Variants in RPL28 observed in about 807,000 individuals in gnomAD.
The protein encoded by RPL28 is ribosomal protein L28.
In RPL28, 4 loss-of-function variants were observed where a neutral mutation model predicts 12.5. The observed-to-expected ratio is 0.32, with a 90% confidence interval of 0.16 to 0.73. RPL28 has a LOEUF of 0.73. RPL28 is among the 30% of genes least tolerant of loss of function. The pLI is 0.66. For synonymous variants in RPL28, 91 were observed against 72.5 expected (o/e 1.26, Z -1.30); for missense variants, 214 against 197.7 (o/e 1.08, Z -0.49).
Position 55,388,503 on chromosome 19 carries a change from C to T in RPL28, c.*171C>T. On this transcript the variant is annotated 3_prime_UTR_variant, in exon 5 of 5. Transcript: ENST00000344063. ...TCTGGAGGTGATGTCAATGGCTGGC[C>T]ATGCAGGAGGGGTGGGGTAGCTGCC... 7.6e-7 allele frequency: 1 copy of T among 1,310,590 alleles called. No homozygotes were observed. Among genetic ancestry groups the T allele is most frequent in the Non-Finnish European group, 9.7e-7 (1 of 1,025,772 alleles). 81.2% of individuals were successfully genotyped at this position (1,310,590 alleles called of 1,614,324 possible).
exon 5 of RPL28, chr19:55,402,980 G>C: frequency 1.3e-6 from 2 of 1,534,930 alleles, no homozygotes; most frequent in Non-Finnish European, 1.7e-6. Flanking sequence ...GCTGTAAGCA[G>C]CCTGGAGCAC....
chr19:55,395,599 A>G (rs572426557), downstream of RPL28, among the ~76,000 whole-genome samples: 1 of 151,482 alleles, frequency 6.6e-6, no homozygotes, highest in South Asian at 2.1e-4. Flanking sequence ...GCCCACCACC[A>G]CACCCGGCTA....
downstream of RPL28, among the ~76,000 whole-genome samples, chr19:55,395,715 T>A (rs543673603): frequency 2.6e-5 from 4 of 152,080 alleles, no homozygotes; most frequent in Non-Finnish European, 5.9e-5. Flanking sequence ...AGTGCTGGGA[T>A]TACAGGCATG....
At chr19:55,401,775 G>A (rs1424198676) in intron 4 of RPL28, 3 of 1,612,796 alleles carry the variant, frequency 1.9e-6, no homozygotes, top group East Asian at 2.2e-5. Flanking sequence ...GTGGGAAGAG[G>A]CTCAGGGTCA....
intron 1 of RPL28, 172 bp downstream of exon 1, chr19:55,386,137 G>A: frequency 1.8e-6 from 1 of 568,880 alleles, no homozygotes. Flanking sequence ...CTCATTCGCC[G>A]CAGCTAGTCT....
intron 4 of RPL28, 55 bp from the exon 5 acceptor site, chr19:55,388,188 G>A (rs777273918): frequency 6.6e-7 from 1 of 1,517,016 alleles, no homozygotes; most frequent in South Asian, 1.3e-5. Flanking sequence ...CATTGGCCTA[G>A]GGGGCGGCTT....
At chr19:55,386,014 A>C in intron 1 of RPL28, 49 bp downstream of exon 1, 1 of 275,508 alleles carries the variant, frequency 3.6e-6, no homozygotes, top group South Asian at 4.3e-5. Flanking sequence ...CCCGCCGCGC[A>C]CTCCCTCTCA....
chr19:55,399,258 C>T (rs1714187778), intron 4 of RPL28, among the ~76,000 whole-genome samples: 2 of 152,104 alleles, frequency 1.3e-5, no homozygotes, highest in South Asian at 4.1e-4. Flanking sequence ...CCTCTGTGTC[C>T]CAGGTTCAAG....
chr19:55,393,244 A>ACCTCCC (rs2090002614), downstream of RPL28, among the ~76,000 whole-genome samples: 1 of 99,878 alleles, frequency 1.0e-5, no homozygotes, highest in Non-Finnish European at 1.9e-5. Flanking sequence ...TGGCCGACGC[A>ACCTCCC]CCCCCCCCCC....
chr19:55,391,308 T>G lies in RPL28; in HGVS notation c.*2976T>G. On this transcript the variant is annotated 3_prime_UTR_variant, in exon 5 of 5. Transcript: ENST00000344063. ...AGCTGTGGGGACTTGGGCAGCTCGT[T>G]TAGTAGCACCGTGCCTCAGTTTCCC... The G allele has an allele frequency of 2.9e-6, 2 of 689,750 alleles. No homozygotes were observed. The highest frequency in any genetic ancestry group is 2.0e-6 in the Non-Finnish European group (1 of 504,676). The allele number at this position is 689,750 out of a possible 1,614,324, so 42.7% of individuals were successfully genotyped here.
At chr19:55,400,841 C>T (rs1348281547) in intron 4 of RPL28, 1 of 152,924 alleles carries the variant, frequency 6.5e-6, no homozygotes, top group Non-Finnish European at 1.5e-5. Context: ...AGGGAAAAAC[C>T]AATCTTTAGC....
chr19:55,391,442 AGCGT>A lies in RPL28; in HGVS notation c.*3111_*3114del. On this transcript the variant is annotated 3_prime_UTR_variant, in exon 5 of 5. Coordinates refer to ENST00000344063, the MANE Select transcript of RPL28 (RefSeq NM_000991.5). ...TAGTCCAGTAGCTGCATGGTGAGTG[AGCGT>A]AGGGCGCACCCTGGAAGGCTGCCAA... is the stretch of plus-strand genomic sequence containing the variant. The A allele has an allele frequency of 1.5e-6, 2 of 1,324,000 alleles. No individual in the cohort carries two copies. The highest frequency in any genetic ancestry group is 1.9e-6 in the Non-Finnish European group (2 of 1,030,328). 82.0% of individuals were successfully genotyped at this position (1,324,000 alleles called of 1,614,324 possible).
Position 55,391,284 on chromosome 19 carries a change from G to C in RPL28, c.*2952G>C. 2 of 475,268 alleles carry C rather than the reference G, an allele frequency of 4.2e-6. No individual in the cohort carries two copies. Among genetic ancestry groups the C allele is most frequent in the Non-Finnish European group, 6.3e-6 (2 of 319,596 alleles). 29.4% of individuals were successfully genotyped at this position (475,268 alleles called of 1,614,324 possible). On this transcript the variant is annotated 3_prime_UTR_variant, in exon 5 of 5. Coordinates refer to ENST00000344063, the MANE Select transcript of RPL28 (RefSeq NM_000991.5). ...GTCCCAGCTCTGCCAGTTATGCCCA[G>C]CTGTGGGGACTTGGGCAGCTCGTTT...
At chr19:55,401,348 C>G (rs2090056152) in intron 4 of RPL28, 1 of 1,021,084 alleles carries the variant, frequency 9.8e-7, no homozygotes, top group African/African-American at 1.6e-5. Context: ...CTCCCCGACC[C>G]CAGCCATAAT....
downstream of RPL28, among the ~76,000 whole-genome samples, chr19:55,392,698 T>G (rs1461260660): frequency 1.3e-5 from 2 of 151,906 alleles, no homozygotes; most frequent in Non-Finnish European, 2.9e-5. Flanking sequence ...GGCTAAATGT[T>G]TTTTGTATTT....
intron 4 of RPL28, among the ~76,000 whole-genome samples, chr19:55,397,541 G>A (rs1429899414): frequency 2.6e-5 from 4 of 151,996 alleles, no homozygotes; most frequent in South Asian, 4.2e-4. Context: ...CACCACGCCC[G>A]GCTAATTTTT....
Position 55,388,717 on chromosome 19 carries a change from G to C in RPL28, c.*385G>C, listed in dbSNP as rs2089960709. 9.6e-7 allele frequency: 1 copy of C among 1,036,786 alleles called. No homozygotes were observed. Among genetic ancestry groups the C allele is most frequent in the Non-Finnish European group, 1.2e-6 (1 of 864,276 alleles). The allele number at this position is 1,036,786 out of a possible 1,614,324, so 64.2% of individuals were successfully genotyped here. A position where few individuals can be genotyped will look rare whatever the true frequency, so the allele number is the denominator to read the frequency against. ...TGAGGGCTGGGCCCTGGGCCCTGGTGCTGTAGCACGGTTTGGGGACTTGGG... is the reference window on the plus strand; with the variant it reads ...TGAGGGCTGGGCCCTGGGCCCTGGTCCTGTAGCACGGTTTGGGGACTTGGG... On this transcript the variant is annotated 3_prime_UTR_variant, in exon 5 of 5. Transcript: ENST00000344063.
chr19:55,390,098 C>G lies in RPL28; in HGVS notation c.*1766C>G. 2 of 985,470 alleles carry G rather than the reference C, an allele frequency of 2.0e-6. No individual in the cohort carries two copies. Among genetic ancestry groups the G allele is most frequent in the Non-Finnish European group, 2.4e-6 (2 of 829,976 alleles). 61.0% of individuals were successfully genotyped at this position (985,470 alleles called of 1,614,324 possible). A position where few individuals can be genotyped will look rare whatever the true frequency, so the allele number is the denominator to read the frequency against. Reference sequence around the variant, plus strand: ...GCAGGTTTATCTGTCTCATGTTTGTCTTGTGCTGGTGGGCAAGGGGTTTGT... The same window carrying G: ...GCAGGTTTATCTGTCTCATGTTTGTGTTGTGCTGGTGGGCAAGGGGTTTGT... On this transcript the variant is annotated 3_prime_UTR_variant, in exon 5 of 5. Coordinates refer to ENST00000344063, the MANE Select transcript of RPL28 (RefSeq NM_000991.5).
At chr19:55,396,822 C>T (rs914194550), downstream of RPL28, among the ~76,000 whole-genome samples, 3 of 151,060 alleles carry the variant, frequency 2.0e-5, no homozygotes, top group Admixed American at 6.6e-5. Flanking sequence ...CCTTGTGATC[C>T]GCCCGCCTTG....
Sources: allele counts gnomAD v4.1 joint callset (sites outside exome capture counted in the v4.1 genomes callset), GRCh38; gene constraint gnomAD v4.1.1; transcripts MANE v1.5; gene names NCBI Gene and HGNC (gene_info 2026-07-23, HGNC 2026-07-21).